Variants in ATP8A1 observed in about 807,000 individuals in gnomAD.
The protein encoded by ATP8A1 is ATPase phospholipid transporting 8A1.
In ATP8A1, 90 loss-of-function variants were observed where a neutral mutation model predicts 177.7. That is an observed-to-expected ratio of 0.51 (90% CI 0.43 to 0.60). ATP8A1 has a LOEUF of 0.60. Ranked by LOEUF, ATP8A1 falls within the 20% of genes least tolerant of loss-of-function variation. The pLI, the probability that ATP8A1 is intolerant of heterozygous loss-of-function variation, is 0.00. For synonymous variants in ATP8A1, 493 were observed against 485.9 expected (o/e 1.01, Z -0.19); for missense variants, 1,072 against 1,392.8 (o/e 0.77, Z 3.67).
chr4:42,649,810 T>C (rs1056589433), intron 1 of ATP8A1, among the ~76,000 whole-genome samples: 10 of 152,192 alleles, frequency 6.6e-5, no homozygotes, highest in African/African-American at 1.9e-4. Flanking sequence ...ACAAATTGGA[T>C]TATAAGGCAT....
intron 4 of ATP8A1, among the ~76,000 whole-genome samples, chr4:42,621,373 G>A (rs768200491): frequency 1.3e-5 from 2 of 152,224 alleles, no homozygotes; most frequent in African/African-American, 4.8e-5. Flanking sequence ...GTTAATGTTT[G>A]TATAACTTTA....
intron 36 of ATP8A1, 91 bp from the exon 37 acceptor site, chr4:42,413,104 A>T: frequency 1.0e-6 from 1 of 989,440 alleles, no homozygotes; most frequent in Non-Finnish European, 1.5e-6. Flanking sequence ...TAGCCTGGGG[A>T]ACAAATGCAG....
At chr4:42,540,452 A>G (rs1578130916) in intron 20 of ATP8A1, among the ~76,000 whole-genome samples, 1 of 152,224 alleles carries the variant, frequency 6.6e-6, no homozygotes. Context: ...AAAAAAATCA[A>G]TATATCAAAG....
chr4:42,506,947 A>T, intron 23 of ATP8A1, 69 bp downstream of exon 23: 3 of 1,520,672 alleles, frequency 2.0e-6, no homozygotes, highest in Non-Finnish European at 2.7e-6. Context: ...AATGTCTCAA[A>T]TCCATCTTCT....
chr4:42,565,084 G>A (rs942754351), intron 15 of ATP8A1, among the ~76,000 whole-genome samples: 1 of 152,166 alleles, frequency 6.6e-6, no homozygotes, highest in African/African-American at 2.4e-5. Context: ...CCATGATTGT[G>A]AGGCTTCCCC....
chr4:42,492,013 TG>T (rs1015395581), intron 24 of ATP8A1, among the ~76,000 whole-genome samples: 4 of 152,198 alleles, frequency 2.6e-5, no homozygotes, highest in Non-Finnish European at 5.9e-5. Context: ...CTAATGGTAG[TG>T]GCTTCCAGAT....
intron 23 of ATP8A1, 148 bp downstream of exon 23, chr4:42,506,868 G>A: frequency 1.1e-6 from 1 of 909,676 alleles, no homozygotes; most frequent in Non-Finnish European, 1.7e-6. Context: ...TGGATGGGAG[G>A]CAGAGATGCA....
chr4:42,414,578 A>G (rs1202229365), intron 36 of ATP8A1, 49 bp downstream of exon 36: 1 of 1,462,060 alleles, frequency 6.8e-7, no homozygotes, highest in East Asian at 2.3e-5. Context: ...ATGCTATGAT[A>G]CAGCAATGGC....
chr4:42,637,168 C>T (rs546801816), intron 1 of ATP8A1: 6 of 518,920 alleles, frequency 1.2e-5, no homozygotes, highest in Non-Finnish European at 2.3e-5. Context: ...CTTTTCTGAT[C>T]AACATGGAAT....
At chr4:42,656,390 C>G (rs1458838435) in intron 1 of ATP8A1, among the ~76,000 whole-genome samples, 1 of 152,202 alleles carries the variant, frequency 6.6e-6, no homozygotes, top group Non-Finnish European at 1.5e-5. Context: ...CAAGGGACTA[C>G]GGATCAAAGG....
chr4:42,554,387 A>C (rs1326183421), intron 16 of ATP8A1, among the ~76,000 whole-genome samples: 1 of 152,228 alleles, frequency 6.6e-6, no homozygotes, highest in Admixed American at 6.5e-5. Context: ...TCCTAAGAAG[A>C]GTCACAAGAT....
intron 15 of ATP8A1, among the ~76,000 whole-genome samples, chr4:42,564,224 C>T (rs773470151): frequency 5.9e-4 from 90 of 152,276 alleles, no homozygotes; most frequent in African/African-American, 1.8e-3. Context: ...CCTCTGCTAG[C>T]GCAGTGCAGA....
chr4:42,462,827 A>C (rs560740035), intron 27 of ATP8A1, among the ~76,000 whole-genome samples: 1 of 152,334 alleles, frequency 6.6e-6, no homozygotes, highest in East Asian at 1.9e-4. Context: ...GAGCGGCCCA[A>C]GACCATGGGA....
intron 23 of ATP8A1, 128 bp downstream of exon 23, chr4:42,506,888 A>G (rs1317980537): frequency 3.5e-6 from 4 of 1,135,542 alleles, no homozygotes; most frequent in Non-Finnish European, 5.0e-6. Context: ...AATGGTGAAA[A>G]AAGATTGGAA....
chr4:42,579,681 A>G, intron 11 of ATP8A1, 132 bp downstream of exon 11: 4 of 842,346 alleles, frequency 4.7e-6, no homozygotes, highest in South Asian at 3.5e-5. Flanking sequence ...CTGAAAAATA[A>G]AGATCAAATG....
intron 1 of ATP8A1, among the ~76,000 whole-genome samples, chr4:42,649,088 A>AAGAT (rs1560562950): frequency 6.6e-6 from 1 of 152,192 alleles, no homozygotes; most frequent in Non-Finnish European, 1.5e-5. Context: ...GGTGTACAAA[A>AAGAT]AGATACAAAG....
chr4:42,641,269 C>T (rs1251124622), intron 1 of ATP8A1, among the ~76,000 whole-genome samples: 6 of 152,230 alleles, frequency 3.9e-5, no homozygotes, highest in African/African-American at 1.4e-4. Flanking sequence ...ATATGGGAGA[C>T]ACCTGACCCA....
intron 33 of ATP8A1, among the ~76,000 whole-genome samples, chr4:42,425,565 G>C (rs553083082): frequency 1.3e-4 from 20 of 152,110 alleles, no homozygotes; most frequent in Middle Eastern, 3.4e-3. Context: ...GGATGAAGAG[G>C]GGGGGAAAAA....
At chr4:42,594,952 T>A (rs1417866690) in intron 6 of ATP8A1, among the ~76,000 whole-genome samples, 1 of 152,170 alleles carries the variant, frequency 6.6e-6, no homozygotes, top group East Asian at 1.9e-4. Flanking sequence ...TTCATTGTAC[T>A]ACCTCTTAGC....
Sources: gnomAD v4.1 joint callset for allele counts (sites outside exome capture counted in the v4.1 genomes callset) on GRCh38, gnomAD v4.1.1 for gene constraint, MANE v1.5 for transcripts, NCBI Gene and HGNC (gene_info 2026-07-23, HGNC 2026-07-21) for gene names.